KAZN: variants seen among roughly 807,000 people sequenced by gnomAD.
KAZN encodes kazrin, periplakin interacting protein.
Under a neutral mutation model 87.4 loss-of-function variants are expected in KAZN, and 40 were observed. The observed-to-expected ratio is 0.46, with a 90% CI of 0.36 to 0.60. The LOEUF (loss-of-function observed/expected upper bound fraction) is 0.60, where lower values mean the gene tolerates loss of function less well. Ranked by LOEUF, KAZN falls within the 20% of genes least tolerant of loss-of-function variation. The pLI, the probability that KAZN is intolerant of heterozygous loss-of-function variation, is 0.00. For missense variants in KAZN, 898 were observed against 1,073.9 expected (o/e 0.84, Z 2.29); for synonymous variants, 466 against 458.3 (o/e 1.02, Z -0.22).
chr1:14,548,467 G>C (rs922704126), intron 2 of KAZN, among the ~76,000 whole-genome samples: 4 of 152,082 alleles, frequency 2.6e-5, no homozygotes, highest in African/African-American at 7.2e-5. Flanking sequence ...CAAAAGTGCT[G>C]CGATTACAGG....
chr1:14,146,174 A>G (rs1318324794), intron 1 of KAZN, among the ~76,000 whole-genome samples: 2 of 149,680 alleles, frequency 1.3e-5, no homozygotes, highest in Non-Finnish European at 3.0e-5. Context: ...CCTGAATCCC[A>G]TGCATGTTTT....
At chr1:14,407,702 T>C (rs1287591171) in intron 2 of KAZN, among the ~76,000 whole-genome samples, 1 of 152,114 alleles carries the variant, frequency 6.6e-6, no homozygotes, top group African/African-American at 2.4e-5. Context: ...TAAACTGTTA[T>C]CATGCATATA....
At position 14,996,556 on chromosome 1, in the gene KAZN, A is replaced by G. The variant is rs1358828216; in HGVS notation, c.418+35681A>G. On this transcript the variant is annotated intron_variant, in intron 2 of 14. Coordinates refer to ENST00000376030, the MANE Select transcript of KAZN (RefSeq NM_201628.3). The surrounding 1 kb of genome is among the most constrained non-coding windows in gnomAD (Gnocchi z 5.9). ...TGTTCTCCAAGGAGGTCCCCTGACC[A>G]CACCTGCCTGCAGTGGGGAGAAGGC... 6.6e-6 allele frequency among the ~76,000 whole-genome samples: 1 copy of G among 152,202 alleles called. No homozygotes were observed. The highest frequency in any genetic ancestry group is 1.5e-5 in the Non-Finnish European group (1 of 68,030).
chr1:14,596,830 C>T (rs1676540498), upstream of KAZN, among the ~76,000 whole-genome samples: 1 of 152,190 alleles, frequency 6.6e-6, no homozygotes, highest in South Asian at 2.1e-4. Flanking sequence ...ATTTGTTCAT[C>T]CAATCATCTG....
intron 2 of KAZN, among the ~76,000 whole-genome samples, chr1:14,493,644 C>T (rs1669795085): frequency 6.6e-6 from 1 of 152,180 alleles, no homozygotes; most frequent in Non-Finnish European, 1.5e-5. Flanking sequence ...ATTAATTTTG[C>T]CTGAAATATG....
At chr1:14,115,029 T>G (rs536825747) in intron 1 of KAZN, among the ~76,000 whole-genome samples, 3 of 152,308 alleles carry the variant, frequency 2.0e-5, no homozygotes, top group South Asian at 4.1e-4. Context: ...GATGTCTGCC[T>G]TAGTCAGCCC....
chr1:13,925,971 G>A (rs12125174), intron 1 of KAZN, among the ~76,000 whole-genome samples: 17,287 of 152,142 alleles, frequency 0.11, 1,187 homozygotes, highest in African/African-American at 0.18. Flanking sequence ...AGGATGGAGT[G>A]GCCATTGACT....
At chr1:14,595,019 C>G (rs1280388765), upstream of KAZN, among the ~76,000 whole-genome samples, 1 of 152,050 alleles carries the variant, frequency 6.6e-6, no homozygotes, top group East Asian at 1.9e-4. Flanking sequence ...GTGGTGGGCA[C>G]CTGTAACCCC....
At chr1:14,499,450 C>T (rs1670121460) in intron 2 of KAZN, among the ~76,000 whole-genome samples, 1 of 152,194 alleles carries the variant, frequency 6.6e-6, no homozygotes, top group African/African-American at 2.4e-5. Flanking sequence ...GATCCCGTGA[C>T]AATTGCTGTC....
rs1384150785 is a variant in KAZN, at chr1:15,107,999, T to G, written c.2048+3810T>G. 2.0e-5 allele frequency among the ~76,000 whole-genome samples: 3 copies of G among 152,202 alleles called. 1 individual carries two copies. Among genetic ancestry groups the G allele is most frequent in the Non-Finnish European group, 4.4e-5 (3 of 68,026 alleles). On this transcript the variant is annotated intron_variant, in intron 13 of 14. Coordinates refer to ENST00000376030, the MANE Select transcript of KAZN (RefSeq NM_201628.3). The stretch of plus-strand genomic sequence containing the variant: ...TCATCTGGAGGCAGAAGAATCTCCA[T>G]GCAGTCAATTTCCTCTGGAGTAGCT...
Position 14,961,475 on chromosome 1 carries a change from T to C in KAZN, c.418+600T>C, listed in dbSNP as rs138324430. Among the ~76,000 whole-genome samples, 783 of 152,260 alleles carry C rather than the reference T, an allele frequency of 5.1e-3. 10 individuals carry two copies. Among genetic ancestry groups the C allele is most frequent in the African/African-American group, 0.018 (748 of 41,552 alleles). On this transcript the variant is annotated intron_variant, in intron 2 of 14. Coordinates refer to ENST00000376030, the MANE Select transcript of KAZN (RefSeq NM_201628.3). ...CGCTGTCCACATGCTCAGCCTGGTT[T>C]CCCTGGAGGGACCCACATCCCTCTC...
At chr1:14,387,015 TTTTTA>T (rs1661972491) in intron 2 of KAZN, among the ~76,000 whole-genome samples, 2 of 152,202 alleles carry the variant, frequency 1.3e-5, no homozygotes, top group African/African-American at 4.8e-5. Flanking sequence ...TGCTCGTTTC[TTTTTA>T]TTTTTTTCTC....
chr1:14,472,869 T>C (rs1207732669), intron 2 of KAZN, among the ~76,000 whole-genome samples: 1 of 152,168 alleles, frequency 6.6e-6, no homozygotes, highest in Non-Finnish European at 1.5e-5. Context: ...ATAGAAGAGA[T>C]ACAAAGTCGA....
intron 2 of KAZN, among the ~76,000 whole-genome samples, chr1:14,461,044 T>C (rs912474987): frequency 1.3e-5 from 2 of 152,184 alleles, no homozygotes; most frequent in Non-Finnish European, 2.9e-5. Context: ...GGACTTTTTA[T>C]CTGTCGCTAT....
chr1:13,995,219 C>CAAAAAAAA (rs113600200), intron 1 of KAZN, among the ~76,000 whole-genome samples: 1 of 107,390 alleles, frequency 9.3e-6, no homozygotes, highest in Non-Finnish European at 2.0e-5. Context: ...TGCAATAAGG[C>CAAAAAAAA]AAAAAAAAAA....
intron 1 of KAZN, among the ~76,000 whole-genome samples, chr1:14,069,987 G>A (rs1005957499): frequency 6.6e-6 from 1 of 151,840 alleles, no homozygotes; most frequent in Admixed American, 6.6e-5. Context: ...TGACCAACAG[G>A]GTGAAACTCT....
At chr1:14,448,292 C>CCCAG (rs942180570) in intron 2 of KAZN, among the ~76,000 whole-genome samples, 52 of 152,348 alleles carry the variant, frequency 3.4e-4, no homozygotes, top group African/African-American at 1.3e-3. Flanking sequence ...TGGTCCAAAG[C>CCCAG]CCAGGTATAA....
chr1:14,847,277 C>T (rs934423083), intron 1 of KAZN, among the ~76,000 whole-genome samples: 2 of 152,218 alleles, frequency 1.3e-5, no homozygotes, highest in Admixed American at 6.5e-5. Context: ...TTGTCGTTAT[C>T]AATCAAAGTA....
chr1:14,798,416 C>CTTTTTT lies in KAZN; in HGVS notation c.227-162244_227-162239dup, dbSNP rs545959773. Reference sequence around the variant, plus strand: ...TTGCTTTCTTTTTTCTGTTTCTTTCCTTTTTTTTTTTTTTTTTTTTTTTTT... The same window carrying CTTTTTT: ...TTGCTTTCTTTTTTCTGTTTCTTTCCTTTTTTTTTTTTTTTTTTTTTTTTTTTTTTT... On this transcript the variant is annotated intron_variant, in intron 1 of 14. Coordinates refer to ENST00000376030, the MANE Select transcript of KAZN (RefSeq NM_201628.3). Among the ~76,000 whole-genome samples, 18 of 88,154 alleles carry CTTTTTT rather than the reference C, an allele frequency of 2.0e-4. 2 individuals are homozygous for CTTTTTT. Among genetic ancestry groups the CTTTTTT allele is most frequent in the Admixed American group, 4.7e-4 (3 of 6,350 alleles). 57.8% of individuals were successfully genotyped at this position (88,154 alleles called of 152,430 possible).
Sources: gnomAD v4.1 joint callset for allele counts (sites outside exome capture counted in the v4.1 genomes callset) on GRCh38, gnomAD v4.1.1 for gene constraint, Gnocchi (gnomAD v3.1) non-coding constraint, MANE v1.5 for transcripts, NCBI Gene and HGNC (gene_info 2026-07-23, HGNC 2026-07-21) for gene names.